Variants in ST3GAL6 observed in about 807,000 individuals in gnomAD.
The protein encoded by ST3GAL6 is ST3 beta-galactoside alpha-2,3-sialyltransferase 6.
A neutral mutation model predicts 40.5 loss-of-function variants in ST3GAL6; 31 were observed. The observed-to-expected ratio is 0.77, with a 90% CI of 0.58 to 1.03. The LOEUF (loss-of-function observed/expected upper bound fraction) is 1.03, where lower values mean the gene tolerates loss of function less well. Among genes scored for constraint, ST3GAL6 ranks in the 50% least tolerant of loss-of-function variants. The probability of loss-of-function intolerance (pLI) is 0.00; values close to 1 mark genes in which losing one functional copy is unlikely to be tolerated. For missense variants in ST3GAL6, 357 were observed against 393.2 expected, an observed-to-expected ratio of 0.91 and a Z score of 0.78; for synonymous variants, 129 against 136.9, an observed-to-expected ratio of 0.94 and a Z score of 0.40.
intron 1 of ST3GAL6, among the ~76,000 whole-genome samples, chr3:98,749,012 T>C (rs953442021): frequency 2.6e-5 from 4 of 152,224 alleles, no homozygotes; most frequent in Non-Finnish European, 5.9e-5. Flanking sequence ...GTGAACTACT[T>C]GTTAATTTCT....
chr3:98,783,531 T>G, intron 5 of ST3GAL6: 1 of 978,448 alleles, frequency 1.0e-6, no homozygotes, highest in Non-Finnish European at 1.2e-6. Flanking sequence ...ATAATATGTC[T>G]GACATTGATT....
intron 8 of ST3GAL6, among the ~76,000 whole-genome samples, chr3:98,791,157 G>A (rs2107361167): frequency 6.6e-6 from 1 of 152,272 alleles, no homozygotes. Flanking sequence ...AGACCCTCTT[G>A]TCAAATATCT....
At chr3:98,772,521 C>T in intron 3 of ST3GAL6, 1 of 183,800 alleles carries the variant, frequency 5.4e-6, no homozygotes, top group South Asian at 1.5e-4. Context: ...TTATCACTTG[C>T]TCTTCGTTTG....
intron 6 of ST3GAL6, 49 bp from the exon 7 acceptor site, chr3:98,787,987 G>C (rs746960776): frequency 1.1e-5 from 16 of 1,514,476 alleles, no homozygotes; most frequent in Non-Finnish European, 1.4e-5. Flanking sequence ...GATGGGAATG[G>C]CAGATACTGC....
At chr3:98,754,680 G>A (rs899302118) in intron 1 of ST3GAL6, among the ~76,000 whole-genome samples, 6 of 152,258 alleles carry the variant, frequency 3.9e-5, no homozygotes, top group South Asian at 4.1e-4. Flanking sequence ...CACAGCAAAC[G>A]TCATTGTTTT....
At chr3:98,732,563 C>G in intron 1 of ST3GAL6, 1 of 330,822 alleles carries the variant, frequency 3.0e-6, no homozygotes, top group Non-Finnish European at 5.6e-6. Context: ...CCGCCTGGTC[C>G]CCAACGCCTC....
At chr3:98,783,733 G>A in intron 5 of ST3GAL6, 1 of 981,224 alleles carries the variant, frequency 1.0e-6, no homozygotes, top group Non-Finnish European at 1.2e-6. Context: ...ACCAACCTGT[G>A]CCACTGGTAC....
chr3:98,788,242 C>A lies in ST3GAL6; in HGVS notation c.618+20C>A. ...AAAATAGTAAGTAGGCAAAATTGTT[C>A]TGCCTTCAGATTACCTTTAGTGCTT... On this transcript the variant is annotated intron_variant, in intron 7 of 9. Transcript: ENST00000483910. The A allele has an allele frequency of 6.2e-7, 1 of 1,602,520 alleles. No homozygotes were observed. The highest frequency in any genetic ancestry group is 1.1e-5 in the South Asian group (1 of 89,258).
intron 1 of ST3GAL6, among the ~76,000 whole-genome samples, chr3:98,737,352 C>T (rs575666760): frequency 1.3e-5 from 2 of 152,246 alleles, no homozygotes; most frequent in Non-Finnish European, 2.9e-5. Flanking sequence ...CACGCGGCCC[C>T]TTCCTGTCTC....
At chr3:98,761,491 C>T (rs1350884190), upstream of ST3GAL6, among the ~76,000 whole-genome samples, 1 of 151,876 alleles carries the variant, frequency 6.6e-6, no homozygotes, top group Non-Finnish European at 1.5e-5. Flanking sequence ...TGCCTATAGT[C>T]CCAGCTACTT....
intron 5 of ST3GAL6, among the ~76,000 whole-genome samples, chr3:98,777,534 A>G (rs1559746459): frequency 6.6e-6 from 1 of 152,250 alleles, no homozygotes; most frequent in Non-Finnish European, 1.5e-5. Flanking sequence ...TTTGTATTCC[A>G]GGTGACTGTG....
intron 1 of ST3GAL6, among the ~76,000 whole-genome samples, chr3:98,741,815 G>A (rs1259852489): frequency 6.6e-6 from 1 of 152,114 alleles, no homozygotes; most frequent in Admixed American, 6.6e-5. Flanking sequence ...GAAAACATTA[G>A]TTAAGTTAAT....
Position 98,792,004 on chromosome 3 carries a change from G to A in ST3GAL6, c.909+11G>A. ...TCTTTGATGAATAAGGTAATATACT[G>A]TACTTTAGGTAATATACATATGCTT... On this transcript the variant is annotated intron_variant, in intron 9 of 9. Transcript: ENST00000483910. The A allele has an allele frequency of 1.3e-6, 2 of 1,591,514 alleles. No homozygotes were observed. The highest frequency in any genetic ancestry group is 8.6e-7 in the Non-Finnish European group (1 of 1,167,912).
chr3:98,741,886 G>A (rs899180128), intron 1 of ST3GAL6, among the ~76,000 whole-genome samples: 1 of 152,164 alleles, frequency 6.6e-6, no homozygotes, highest in East Asian at 1.9e-4. Context: ...GAAATGTGAA[G>A]TGTCATTTGT....
upstream of ST3GAL6, among the ~76,000 whole-genome samples, chr3:98,759,778 C>T (rs768444738): frequency 2.0e-4 from 31 of 151,874 alleles, no homozygotes; most frequent in Non-Finnish European, 4.1e-4. Flanking sequence ...AATATGTGGC[C>T]AATGATTCAG....
chr3:98,744,778 T>A (rs568958324), intron 1 of ST3GAL6, among the ~76,000 whole-genome samples: 1 of 152,298 alleles, frequency 6.6e-6, no homozygotes, highest in African/African-American at 2.4e-5. Context: ...GCTCACTTTA[T>A]TTTTTAAATG....
At chr3:98,781,855 C>A (rs982075789) in intron 5 of ST3GAL6, among the ~76,000 whole-genome samples, 4 of 152,208 alleles carry the variant, frequency 2.6e-5, no homozygotes, top group African/African-American at 7.2e-5. Flanking sequence ...TTGTCTTAGC[C>A]ATGCCTTCCC....
At chr3:98,762,881 G>A, upstream of ST3GAL6, 1 of 985,386 alleles carries the variant, frequency 1.0e-6, no homozygotes, top group Non-Finnish European at 1.2e-6. Context: ...AAAGGGCTTA[G>A]TACTGTGCTG....
chr3:98,747,633 G>A (rs147284868), intron 1 of ST3GAL6, among the ~76,000 whole-genome samples: 6 of 152,272 alleles, frequency 3.9e-5, no homozygotes, highest in Middle Eastern at 3.4e-3. Flanking sequence ...AATTTGTGAT[G>A]TATTTGTTTG....
Sources: allele counts gnomAD v4.1 joint callset (sites outside exome capture counted in the v4.1 genomes callset), GRCh38; gene constraint gnomAD v4.1.1; transcripts MANE v1.5; gene names NCBI Gene and HGNC (gene_info 2026-07-23, HGNC 2026-07-21).